SYT6: variants seen among roughly 807,000 people sequenced by gnomAD.
SYT6 encodes the protein synaptotagmin 6.
Under a neutral mutation model 38.4 loss-of-function variants are expected in SYT6, and 24 were observed. The ratio of observed to expected loss-of-function variants is 0.62; its 90% CI spans 0.45 to 0.88. SYT6 has a LOEUF of 0.88. SYT6 is among the 40% of genes least tolerant of loss of function. The pLI is 0.00. For synonymous variants in SYT6, 265 were observed against 241.9 expected (o/e 1.10, Z -0.89); for missense variants, 611 against 621.0 (o/e 0.98, Z 0.17).
chr1:114,116,032 G>A (rs1325278421), intron 3 of SYT6, among the ~76,000 whole-genome samples: 1 of 147,556 alleles, frequency 6.8e-6, no homozygotes, highest in Non-Finnish European at 1.5e-5. Flanking sequence ...CAAGAAGCAT[G>A]AGAGAGAAAG....
chr1:114,139,310 T>C (rs2629808), intron 2 of SYT6, among the ~76,000 whole-genome samples: 133,808 of 152,026 alleles, frequency 0.88, 59,223 homozygotes, highest in African/African-American at 0.97. Context: ...CTGCCTGAAG[T>C]CTTTCCTTCC....
intron 3 of SYT6, among the ~76,000 whole-genome samples, chr1:114,118,802 CTGTCGG>C (rs1276706117): frequency 1.3e-5 from 2 of 152,230 alleles, no homozygotes; most frequent in African/African-American, 4.8e-5. Context: ...GAGCCATCTC[CTGTCGG>C]TGTCAGCTGA....
At chr1:114,122,927 C>G (rs545366887) in intron 3 of SYT6, among the ~76,000 whole-genome samples, 1 of 152,300 alleles carries the variant, frequency 6.6e-6, no homozygotes, top group East Asian at 1.9e-4. Context: ...TTCAAAATGC[C>G]TGTCCGGGCC....
At chr1:114,153,198 G>A (rs1338050042) in intron 1 of SYT6, among the ~76,000 whole-genome samples, 7 of 152,334 alleles carry the variant, frequency 4.6e-5, no homozygotes, top group Non-Finnish European at 1.0e-4. Context: ...CGGGGACCTC[G>A]ACACTCGCTA....
intron 7 of SYT6, among the ~76,000 whole-genome samples, chr1:114,092,356 G>A (rs1384084116): frequency 6.6e-6 from 1 of 151,934 alleles, no homozygotes; most frequent in Non-Finnish European, 1.5e-5. Context: ...GTGTGTGTGT[G>A]TGTGTGTGTG....
intron 1 of SYT6, among the ~76,000 whole-genome samples, chr1:114,146,337 AG>A (rs1162239373): frequency 6.6e-5 from 10 of 152,206 alleles, no homozygotes; most frequent in African/African-American, 2.2e-4. Context: ...GAGATTAGAA[AG>A]GGCTGTAGGC....
At chr1:114,105,337 G>A (rs1354626921) in intron 3 of SYT6, among the ~76,000 whole-genome samples, 2 of 135,816 alleles carry the variant, frequency 1.5e-5, no homozygotes, top group Non-Finnish European at 3.1e-5. Context: ...CCAAGGCCCT[G>A]TCTCCCCCTA....
At chr1:114,133,057 T>A (rs1286923560) in intron 3 of SYT6, among the ~76,000 whole-genome samples, 3 of 152,014 alleles carry the variant, frequency 2.0e-5, no homozygotes, top group African/African-American at 7.2e-5. Flanking sequence ...CTGCATACCC[T>A]CAGTCCAGGC....
At chr1:114,122,481 T>G (rs1677464705) in intron 3 of SYT6, among the ~76,000 whole-genome samples, 1 of 148,164 alleles carries the variant, frequency 6.7e-6, no homozygotes, top group Admixed American at 6.7e-5. Flanking sequence ...GCATGTACAT[T>G]TGTGTGTGTG....
intron 3 of SYT6, among the ~76,000 whole-genome samples, chr1:114,121,774 T>C (rs1374765432): frequency 6.6e-6 from 1 of 152,182 alleles, no homozygotes; most frequent in East Asian, 1.9e-4. Context: ...TCTTCCTATA[T>C]TGAGGTTAAA....
At chr1:114,097,917 A>T in intron 5 of SYT6, 40 bp from the exon 6 acceptor site, 1 of 1,608,290 alleles carries the variant, frequency 6.2e-7, no homozygotes, top group Non-Finnish European at 8.5e-7. Context: ...GCTACCAGAC[A>T]TGCCCTCAGA....
At chr1:114,132,158 G>A (rs1257539591) in intron 3 of SYT6, among the ~76,000 whole-genome samples, 1 of 152,188 alleles carries the variant, frequency 6.6e-6, no homozygotes, top group African/African-American at 2.4e-5. Flanking sequence ...TGTGCCCTTG[G>A]CAGCTAGCAG....
At chr1:114,093,350 C>T (rs11102729) in intron 7 of SYT6, among the ~76,000 whole-genome samples, 52,435 of 152,068 alleles carry the variant, frequency 0.34, 9,848 homozygotes, top group East Asian at 0.52. Context: ...TCTCTGGGCT[C>T]GGTTCTTCAT....
rs764911688 is a variant in SYT6, at chr1:114,093,722, A to G, written c.*51+13T>C. 5 of 1,613,162 alleles carry G rather than the reference A, an allele frequency of 3.1e-6. No homozygotes were observed. The highest frequency in any genetic ancestry group is 4.2e-6 in the Non-Finnish European group (5 of 1,179,560). On this transcript the variant is annotated intron_variant, in intron 7 of 7. Coordinates refer to ENST00000610222, the MANE Select transcript of SYT6 (RefSeq NM_001253772.2). Reference sequence around the variant, plus strand: ...AGCAACCTAACGTCTTTGGGTCCACACCAGGTACTTACTCCTAACTCCAGG... The same window carrying G: ...AGCAACCTAACGTCTTTGGGTCCACGCCAGGTACTTACTCCTAACTCCAGG...
In SYT6 at chr1:114,153,378, C is replaced by T. The variant is rs890887618; in HGVS notation, c.163+232G>A. ...TGTCTGCGGGGTCCCCCGCATTCCGCAGTAGTAATACAGGAGGGCCGGGGG... is the reference window on the plus strand; with the variant it reads ...TGTCTGCGGGGTCCCCCGCATTCCGTAGTAGTAATACAGGAGGGCCGGGGG... On this transcript the variant is annotated intron_variant, in intron 1 of 7. Coordinates refer to ENST00000610222, the MANE Select transcript of SYT6 (RefSeq NM_001253772.2). Among the ~76,000 whole-genome samples the T allele has an allele frequency of 3.9e-5, 6 of 152,234 alleles. No homozygotes were observed. The East Asian group carries it at 9.6e-4, about 24-fold the overall frequency.
At chr1:114,137,444 C>A (rs1433291426) in intron 3 of SYT6, 51 bp downstream of exon 3, 1 of 1,565,614 alleles carries the variant, frequency 6.4e-7, no homozygotes, top group South Asian at 1.2e-5. Context: ...ATGTCCCACC[C>A]AACCCAGAAC....
chr1:114,095,908 C>T (rs1208809425), intron 6 of SYT6, among the ~76,000 whole-genome samples: 1 of 152,132 alleles, frequency 6.6e-6, no homozygotes, highest in Non-Finnish European at 1.5e-5. Flanking sequence ...GATCCATCCA[C>T]CTCGGCCTCC....
At chr1:114,111,475 C>T (rs559796200) in intron 3 of SYT6, among the ~76,000 whole-genome samples, 4 of 152,210 alleles carry the variant, frequency 2.6e-5, no homozygotes, top group African/African-American at 9.6e-5. Flanking sequence ...GACACCTCCT[C>T]ACTAAATGCT....
In SYT6 at chr1:114,148,175, C is replaced by T. The variant is rs6672106; in HGVS notation, c.163+5435G>A. Among the ~76,000 whole-genome samples, 857 of 152,290 alleles carry T rather than the reference C, an allele frequency of 5.6e-3. 6 individuals are homozygous for T. Among genetic ancestry groups the T allele is most frequent in the African/African-American group, 0.02 (818 of 41,556 alleles). ...AGCTCAGGGCTTTCTTATCTTCCCCCACTGACACTTCTTTCTCCAAAGACA... is the reference window on the plus strand; with the variant it reads ...AGCTCAGGGCTTTCTTATCTTCCCCTACTGACACTTCTTTCTCCAAAGACA... On this transcript the variant is annotated intron_variant, in intron 1 of 7. Coordinates refer to ENST00000610222, the MANE Select transcript of SYT6 (RefSeq NM_001253772.2).
Sources: gnomAD v4.1 joint callset for allele counts (sites outside exome capture counted in the v4.1 genomes callset) on GRCh38, gnomAD v4.1.1 for gene constraint, MANE v1.5 for transcripts, NCBI Gene and HGNC (gene_info 2026-07-23, HGNC 2026-07-21) for gene names.